CCT5: variants seen among roughly 807,000 people sequenced by gnomAD.
The protein encoded by CCT5 is T-complex protein 1 subunit epsilon.
In CCT5, 6 loss-of-function variants were observed where a neutral mutation model predicts 55.0. The observed-to-expected ratio is 0.11, with a 90% confidence interval of 0.06 to 0.22. The LOEUF (loss-of-function observed/expected upper bound fraction) is 0.22. Among genes scored for constraint, CCT5 ranks in the 10% least tolerant of loss-of-function variants. The pLI is 1.00. For missense variants in CCT5, 560 were observed against 694.6 expected, an observed-to-expected ratio of 0.81 and a Z score of 2.18; for synonymous variants, 231 against 243.7, an observed-to-expected ratio of 0.95 and a Z score of 0.49.
At position 10,258,301 on chromosome 5, in the gene CCT5, A is replaced by G. The variant is rs759287448; in HGVS notation, c.721A>G (p.Lys241Glu). Reference protein sequence around the residue: ...DKDFSHPQMPKKVEDAKIAIL... With the variant: ...DKDFSHPQMPEKVEDAKIAIL... Reference sequence around the variant, plus strand: ...GGATTTCAGTCACCCACAGATGCCAAAAGTGAGCCATTGCATCTCACAGCT... The same window carrying G: ...GGATTTCAGTCACCCACAGATGCCAGAAGTGAGCCATTGCATCTCACAGCT... The change falls in exon 5 of 11, where the codon AAA (lysine) becomes GAA (glutamate). Residue 241 changes from lysine (K) to glutamate (E), a missense_variant and splice_region_variant. By Grantham distance (56) the Lys-to-Glu change is moderately conservative. Transcript: ENST00000280326. 6.2e-7 allele frequency: 1 copy of G among 1,614,244 alleles called. No homozygotes were observed. Among genetic ancestry groups the G allele is most frequent in the Non-Finnish European group, 8.5e-7 (1 of 1,180,042 alleles).
chr5:10,256,109 C>A lies in CCT5; in HGVS notation c.486C>A (p.Thr162=). The change falls in exon 4 of 11, where the codon ACC becomes ACA. Residue 162 remains threonine (T), a synonymous_variant. Transcript: ENST00000280326. ...SDSVLVDIKD[T]EPLIQTAKTT... Reference sequence around the variant, plus strand: ...GCGTCCTTGTTGACATAAAGGACACCGAACCCCTGATTCAGACAGCAAAAA... The same window carrying A: ...GCGTCCTTGTTGACATAAAGGACACAGAACCCCTGATTCAGACAGCAAAAA... 6.2e-7 allele frequency: 1 copy of A among 1,613,840 alleles called. No homozygotes were observed. Among genetic ancestry groups the A allele is most frequent in the South Asian group, 1.1e-5 (1 of 91,062 alleles).
At chr5:10,258,905 A>G (rs920578988) in intron 6 of CCT5, among the ~76,000 whole-genome samples, 3 of 152,148 alleles carry the variant, frequency 2.0e-5, no homozygotes. Context: ...AGACAGGAGA[A>G]TCGCTTGAAC....
chr5:10,252,973 GA>G lies in CCT5; in HGVS notation c.106-1162del, dbSNP rs763053311. On this transcript the variant is annotated intron_variant, in intron 1 of 10. Transcript: ENST00000280326. The stretch of plus-strand genomic sequence containing the variant: ...ATTACTCAATTTGGTAGCTAAATGT[GA>G]AAAAAAAAACAGGTAACTTTTTTAT... 3.8e-3 allele frequency among the ~76,000 whole-genome samples: 551 copies of G among 146,808 alleles called. 6 individuals are homozygous for G. Among genetic ancestry groups the G allele is most frequent in the African/African-American group, 0.013 (514 of 40,090 alleles).
chr5:10,255,418 T>A (rs897375387), intron 3 of CCT5, among the ~76,000 whole-genome samples: 2 of 152,136 alleles, frequency 1.3e-5, no homozygotes, highest in Non-Finnish European at 2.9e-5. Flanking sequence ...AGACAAAATA[T>A]CAGTAAGGTT....
upstream of CCT5, chr5:10,249,983 A>AAGAAAT: frequency 6.5e-7 from 1 of 1,547,100 alleles, no homozygotes; most frequent in Admixed American, 2.0e-5. Context: ...CGAAGAAATA[A>AAGAAAT]AGAAATAGTG....
chr5:10,250,278 G>A (rs1454968158), upstream of CCT5: 4 of 1,611,024 alleles, frequency 2.5e-6, no homozygotes, highest in South Asian at 3.3e-5. Context: ...AGAAAGGGAA[G>A]TGCATTCTCG....
intron 6 of CCT5, among the ~76,000 whole-genome samples, chr5:10,260,374 A>G (rs1745899659): frequency 6.6e-6 from 1 of 152,240 alleles, no homozygotes; most frequent in Non-Finnish European, 1.5e-5. Flanking sequence ...GAGACAGTCA[A>G]GTTGCAAGTG....
At chr5:10,253,254 G>C (rs961058886) in intron 1 of CCT5, among the ~76,000 whole-genome samples, 1 of 150,134 alleles carries the variant, frequency 6.7e-6, no homozygotes, top group Admixed American at 6.7e-5. Context: ...GCTTAAACCC[G>C]GGAGGCGGAG....
In CCT5 at chr5:10,258,368, C is replaced by T; in HGVS notation, c.724-18C>T. 1 of 1,614,066 alleles carries T rather than the reference C, an allele frequency of 6.2e-7. No individual in the cohort carries two copies. The highest frequency in any genetic ancestry group is 8.5e-7 in the Non-Finnish European group (1 of 1,180,000). ...CTCTTAATTCCACCAATTAAAATGT[C>T]TTTATGTTCCCCCATAGAAAGTGGA... On this transcript the variant is annotated intron_variant, in intron 5 of 10. Coordinates refer to ENST00000280326, the MANE Select transcript of CCT5 (RefSeq NM_012073.5).
intron 1 of CCT5, among the ~76,000 whole-genome samples, chr5:10,253,359 T>G (rs865865037): frequency 1.8e-4 from 27 of 151,158 alleles, no homozygotes; most frequent in Non-Finnish European, 3.2e-4. Context: ...GTAACTTTGA[T>G]CTATAAATAT....
intron 3 of CCT5, among the ~76,000 whole-genome samples, chr5:10,255,450 T>C (rs1235155736): frequency 6.6e-6 from 1 of 152,100 alleles, no homozygotes; most frequent in Admixed American, 6.5e-5. Context: ...AGATGAAATT[T>C]GAATTCATTC....
intron 10 of CCT5, 199 bp from the exon 11 acceptor site, chr5:10,264,457 G>A (rs1746127256): frequency 3.6e-6 from 2 of 551,212 alleles, no homozygotes; most frequent in Admixed American, 5.9e-5. Flanking sequence ...TACCAGGTGC[G>A]AGTTCCAGAG....
rs1237161023 is a variant in CCT5, at chr5:10,250,292, C to T, written c.-49C>T. The T allele has an allele frequency of 5.0e-6, 8 of 1,612,982 alleles. No homozygotes were observed. Among genetic ancestry groups the T allele is most frequent in the African/African-American group, 4.0e-5 (3 of 74,932 alleles). On this transcript the variant is annotated 5_prime_UTR_variant, in exon 1 of 11. Coordinates refer to ENST00000280326, the MANE Select transcript of CCT5 (RefSeq NM_012073.5). ...GAGAAAGGGAAGTGCATTCTCGCTT[C>T]CGTAGCGGTCTCCGCCGGTTGGGGG...
chr5:10,252,566 G>C (rs1171797246), intron 1 of CCT5, among the ~76,000 whole-genome samples: 2 of 143,310 alleles, frequency 1.4e-5, no homozygotes, highest in African/African-American at 5.2e-5. Context: ...GGTGAGCCGA[G>C]ATCACGCCAC....
At chr5:10,253,498 T>G (rs1191320433) in intron 1 of CCT5, among the ~76,000 whole-genome samples, 1 of 152,196 alleles carries the variant, frequency 6.6e-6, no homozygotes, top group Non-Finnish European at 1.5e-5. Flanking sequence ...GCAATCCTCC[T>G]GCCTCAGCCT....
intron 6 of CCT5, among the ~76,000 whole-genome samples, chr5:10,259,066 A>G (rs1745822124): frequency 6.6e-6 from 1 of 152,230 alleles, no homozygotes; most frequent in South Asian, 2.1e-4. Context: ...TCAATTGTAC[A>G]TATTATATTT....
At chr5:10,260,592 A>G (rs970776530) in intron 6 of CCT5, among the ~76,000 whole-genome samples, 200 bp from the exon 7 acceptor site, 5 of 152,236 alleles carry the variant, frequency 3.3e-5, no homozygotes, top group Non-Finnish European at 7.3e-5. Context: ...GGTGATCCCC[A>G]TTGATAAAAT....
chr5:10,251,477 G>A (rs1375366104), intron 1 of CCT5, among the ~76,000 whole-genome samples: 1 of 152,154 alleles, frequency 6.6e-6, no homozygotes, highest in Non-Finnish European at 1.5e-5. Context: ...GTTATAAAGT[G>A]AATTCATAAT....
intron 8 of CCT5, 112 bp downstream of exon 8, chr5:10,261,857 G>T (rs748579621): frequency 8.3e-5 from 70 of 846,704 alleles, no homozygotes; most frequent in Non-Finnish European, 1.4e-4. Context: ...AATAATCGTG[G>T]TTCTCAAACA....
Sources: allele counts gnomAD v4.1 joint callset (sites outside exome capture counted in the v4.1 genomes callset), GRCh38; gene constraint gnomAD v4.1.1; transcripts MANE v1.5; gene names NCBI Gene and HGNC (gene_info 2026-07-23, HGNC 2026-07-21).